ANKRD52: variants seen among roughly 807,000 people sequenced by gnomAD.
The protein encoded by ANKRD52 is ankyrin repeat domain 52, also known as serine/threonine-protein phosphatase 6 regulatory ankyrin repeat subunit C.
Under a neutral mutation model 116.0 loss-of-function variants are expected in ANKRD52, and 7 were observed. The ratio of observed to expected loss-of-function variants is 0.06; its 90% confidence interval spans 0.03 to 0.11. The LOEUF (loss-of-function observed/expected upper bound fraction) is 0.11. ANKRD52 is among the 10% of genes least tolerant of loss of function. ANKRD52 has a pLI of 1.00. For missense variants in ANKRD52, 839 were observed against 1,408.6 expected (o/e 0.60, Z 6.47); for synonymous variants, 528 against 578.1 (o/e 0.91, Z 1.24).
intron 15 of ANKRD52, 84 bp downstream of exon 15, chr12:56,251,931 G>A (rs1592393035): frequency 6.9e-7 from 1 of 1,448,924 alleles, no homozygotes; most frequent in East Asian, 2.3e-5. Flanking sequence ...TAGGGTAGAG[G>A]TTCAGATTAG....
In ANKRD52 at chr12:56,254,099, G is replaced by A; in HGVS notation, c.874C>T (p.Leu292=). The change falls in exon 8 of 28, where the codon CTG becomes TTG. Residue 292 remains leucine (L), a synonymous_variant. Transcript: ENST00000267116. This position sits in a 1 kb window ranked among gnomAD's most constrained non-coding sequence, Gnocchi z 4.6. ...STNGALCLEL[L]VNNGADVNYQ... is the part of the protein sequence containing the mutation. ...TTGACGTCAGCCCCATTATTAACCAGTAGCTCCAAGCAGAGAGCGCCATTG... is the reference window on the plus strand; with the variant it reads ...TTGACGTCAGCCCCATTATTAACCAATAGCTCCAAGCAGAGAGCGCCATTG... The A allele has an allele frequency of 1.2e-6, 2 of 1,613,774 alleles. No homozygotes were observed. Among genetic ancestry groups the A allele is most frequent in the South Asian group, 1.1e-5 (1 of 91,080 alleles).
At chr12:56,257,948 G>T in intron 1 of ANKRD52, 37 bp from the exon 2 acceptor site, 1 of 1,603,774 alleles carries the variant, frequency 6.2e-7, no homozygotes. Flanking sequence ...GCGGGCTGGA[G>T]CCGGAGCGGA....
chr12:56,256,614 G>A (rs904349696), intron 4 of ANKRD52, among the ~76,000 whole-genome samples: 7 of 152,218 alleles, frequency 4.6e-5, no homozygotes, highest in Non-Finnish European at 1.0e-4. Context: ...GATGAAATAT[G>A]TTTGGCCCCT....
In ANKRD52 at chr12:56,254,347, T is replaced by G; in HGVS notation, c.694-68A>C. 6.5e-7 allele frequency: 1 copy of G among 1,537,266 alleles called. No individual in the cohort carries two copies. The highest frequency in any genetic ancestry group is 8.9e-7 in the Non-Finnish European group (1 of 1,123,386). On this transcript the variant is annotated intron_variant, in intron 7 of 27. Transcript: ENST00000267116. This position sits in a 1 kb window ranked among gnomAD's most constrained non-coding sequence, Gnocchi z 4.6. ...AAAGTAGAAGCCAGCACATGTAGCC[T>G]CCAGATCCCAGAAATCCAACGACTG...
chr12:56,254,311 T>A lies in ANKRD52; in HGVS notation c.694-32A>T. ...ATTCAGGGGTGAGAGTAAGGTGGTA[T>A]CAGTTTAAACAAAGTAGAAGCCAGC... is the stretch of plus-strand genomic sequence containing the variant. On this transcript the variant is annotated intron_variant, in intron 7 of 27. Transcript: ENST00000267116. The surrounding 1 kb of genome is among the most constrained non-coding windows in gnomAD (Gnocchi z 4.6). 3.1e-6 allele frequency: 5 copies of A among 1,603,350 alleles called. No individual in the cohort carries two copies. The highest frequency in any genetic ancestry group is 1.7e-4 in the Middle Eastern group (1 of 6,044).
In ANKRD52 at chr12:56,255,092, G is replaced by A; in HGVS notation, c.463-140C>T. The A allele has an allele frequency of 8.5e-6, 6 of 703,318 alleles. No individual in the cohort carries two copies. In the South Asian group the frequency reaches 1.1e-4, roughly 13 times the overall value. 43.6% of individuals were successfully genotyped at this position (703,318 alleles called of 1,614,324 possible). ...GAGCAAAACAACCTGGAGGACTCGA[G>A]GGAACAGCAGAAGCAGGCACTAAGG... On this transcript the variant is annotated intron_variant, in intron 5 of 27. Coordinates refer to ENST00000267116, the MANE Select transcript of ANKRD52 (RefSeq NM_173595.4). The surrounding 1 kb of genome is among the most constrained non-coding windows in gnomAD (Gnocchi z 4.3).
intron 15 of ANKRD52, 63 bp downstream of exon 15, chr12:56,251,952 A>C: frequency 6.5e-7 from 1 of 1,547,536 alleles, no homozygotes; most frequent in East Asian, 2.3e-5. Context: ...GTAGGAGGAC[A>C]GTAGGGCCAG....
In ANKRD52 at chr12:56,245,127, G is replaced by A; in HGVS notation, c.2468C>T (p.Pro823Leu). ...CACTGCACAGTGCAAAGGAGTGAAG[G>A]GGTTTCCTTCCAGGTACGAAAACGG... ...HSPFSYLEGN[P>L]FTPLHCAVIN... The change falls in exon 22 of 28, where the codon CCC (proline) becomes CTC (leucine). Residue 823 changes from proline (P) to leucine (L), a missense_variant. This residue lies in a region of ANKRD52 where 552 missense variants were observed against 810.6 expected (regional missense o/e 0.68). Coordinates refer to ENST00000267116, the MANE Select transcript of ANKRD52 (RefSeq NM_173595.4). 6.2e-7 allele frequency: 1 copy of A among 1,613,988 alleles called. No homozygotes were observed. Among genetic ancestry groups the A allele is most frequent in the Non-Finnish European group, 8.5e-7 (1 of 1,179,890 alleles).
rs1348614882 is a variant in ANKRD52, at chr12:56,238,044, T to C, written c.*5098A>G. 1 of 290,098 alleles carries C rather than the reference T, an allele frequency of 3.4e-6. No homozygotes were observed. Among genetic ancestry groups the C allele is most frequent in the East Asian group, 6.2e-5 (1 of 16,260 alleles). 18.0% of individuals were successfully genotyped at this position (290,098 alleles called of 1,614,324 possible). On this transcript the variant is annotated 3_prime_UTR_variant, in exon 28 of 28. Coordinates refer to ENST00000267116, the MANE Select transcript of ANKRD52 (RefSeq NM_173595.4). ...ATGCACCGAGGTCCCCACTTTTTCCTGCTGCCCTCGGCACCCTGGGGATGC... is the reference window on the plus strand; with the variant it reads ...ATGCACCGAGGTCCCCACTTTTTCCCGCTGCCCTCGGCACCCTGGGGATGC...
At position 56,238,001 on chromosome 12, in the gene ANKRD52, A is replaced by ATTTTTTAATGATAC; in HGVS notation, c.*5140_*5141insGTATCATTAAAAAA. ...GAGAACATTGTGCTTTAGCCCAGGG[A>ATTTTTTAATGATAC]GGGGAGGGGTGGGGCAAATGCACCG... On this transcript the variant is annotated 3_prime_UTR_variant, in exon 28 of 28. Coordinates refer to ENST00000267116, the MANE Select transcript of ANKRD52 (RefSeq NM_173595.4). 6 of 159,804 alleles carry ATTTTTTAATGATAC rather than the reference A, an allele frequency of 3.8e-5. No homozygotes were observed. The highest frequency in any genetic ancestry group is 5.2e-5 in the Non-Finnish European group (4 of 76,974). 9.9% of individuals were successfully genotyped at this position (159,804 alleles called of 1,614,324 possible).
In ANKRD52 at chr12:56,247,702, A is replaced by C. The variant is rs1281328452; in HGVS notation, c.2051T>G (p.Met684Arg). 6 of 1,611,880 alleles carry C rather than the reference A, an allele frequency of 3.7e-6. No homozygotes were observed. Among genetic ancestry groups the C allele is most frequent in the Non-Finnish European group, 5.1e-6 (6 of 1,179,066 alleles). ...SGERADITDVMDAYGQTPLML... is the reference protein window; with the variant it reads ...SGERADITDVRDAYGQTPLML... The stretch of plus-strand genomic sequence containing the variant: ...CCACACTCACTGTCCATAGGCATCC[A>C]TGACATCTGTGATGTCAGCTCGTTC... Residue 684 changes from methionine to arginine, a missense_variant, in exon 19 of 28, where the codon ATG becomes AGG. Transcript: ENST00000267116.
At chr12:56,250,203 A>G (rs1265273412) in intron 15 of ANKRD52, among the ~76,000 whole-genome samples, 1 of 151,676 alleles carries the variant, frequency 6.6e-6, no homozygotes, top group Non-Finnish European at 1.5e-5. Context: ...TCTCAAATAA[A>G]TAAATAAATT....
rs761571645 is a variant in ANKRD52 at position 56,254,859 on chromosome 12, T to C, written c.550+6A>G. On this transcript the variant is annotated splice_donor_region_variant and intron_variant, in intron 6 of 27. Coordinates refer to ENST00000267116, the MANE Select transcript of ANKRD52 (RefSeq NM_173595.4). The surrounding 1 kb of genome is among the most constrained non-coding windows in gnomAD (Gnocchi z 4.6). ...ATTTCTGATTTTCCCGTGTATTCTCTCTCACCTAGAAAAGCTGCCCAATGC... is the reference window on the plus strand; with the variant it reads ...ATTTCTGATTTTCCCGTGTATTCTCCCTCACCTAGAAAAGCTGCCCAATGC... 6.2e-7 allele frequency: 1 copy of C among 1,612,256 alleles called. No individual in the cohort carries two copies. Among genetic ancestry groups the C allele is most frequent in the East Asian group, 2.2e-5 (1 of 44,800 alleles).
Position 56,254,322 on chromosome 12 carries a change from A to G in ANKRD52, c.694-43T>C, listed in dbSNP as rs773450094. 6.3e-7 allele frequency: 1 copy of G among 1,588,886 alleles called. No individual in the cohort carries two copies. The highest frequency in any genetic ancestry group is 8.6e-7 in the Non-Finnish European group (1 of 1,162,180). ...AGAGTAAGGTGGTATCAGTTTAAAC[A>G]AAGTAGAAGCCAGCACATGTAGCCT... On this transcript the variant is annotated intron_variant, in intron 7 of 27. Transcript: ENST00000267116. This position sits in a 1 kb window ranked among gnomAD's most constrained non-coding sequence, Gnocchi z 4.6.
In ANKRD52 at chr12:56,243,211, A is replaced by G. The variant is rs1421815376; in HGVS notation, c.3162T>C (p.His1054=). 4 of 1,613,110 alleles carry G rather than the reference A, an allele frequency of 2.5e-6. No homozygotes were observed. The South Asian group carries it at 4.4e-5, about 18-fold the overall frequency. ...CCTGGCTGTAGGGGCAGGAGGCCCCATGGGGCAGGGCGCCGCAGCCACCCA... is the reference window on the plus strand; with the variant it reads ...CCTGGCTGTAGGGGCAGGAGGCCCCGTGGGGCAGGGCGCCGCAGCCACCCA... ...KTVGGCGALP[H]GASCPYSQER... is the part of the protein sequence containing the mutation. The change falls in exon 28 of 28, where the codon CAT becomes CAC. Residue 1054 remains histidine (H), a synonymous_variant. Coordinates refer to ENST00000267116, the MANE Select transcript of ANKRD52 (RefSeq NM_173595.4). This position sits in a 1 kb window ranked among gnomAD's most constrained non-coding sequence, Gnocchi z 4.6.
In ANKRD52 at chr12:56,257,357, T is replaced by G. The variant is rs1276500814; in HGVS notation, c.116A>C (p.Gln39Pro). 1.3e-6 allele frequency: 2 copies of G among 1,587,452 alleles called. No homozygotes were observed. Among genetic ancestry groups the G allele is most frequent in the Non-Finnish European group, 1.7e-6 (2 of 1,166,860 alleles). Residue 39 changes from glutamine to proline, a missense_variant, in exon 3 of 28, where the codon CAA (glutamine) becomes CCA (proline). This residue lies in a region of ANKRD52 where 287 missense variants were observed against 598.1 expected (regional missense o/e 0.48). Transcript: ENST00000267116. ...SQKENINVLD[Q>P]ERRTPLHAAA... is the part of the protein sequence containing the mutation. ...AGCATGCAATGGAGTTCGCCTCTCTTGGTCCTGGGAAGGCAAAAAAGAGCA... is the reference window on the plus strand; with the variant it reads ...AGCATGCAATGGAGTTCGCCTCTCTGGGTCCTGGGAAGGCAAAAAAGAGCA...
intron 1 of ANKRD52, 123 bp downstream of exon 1, chr12:56,258,120 G>C (rs539175703): frequency 1.3e-6 from 2 of 1,487,986 alleles, no homozygotes; most frequent in South Asian, 1.2e-5. Flanking sequence ...GCGCGGCATG[G>C]GGCGGGGCGG....
rs754890331 is a variant in ANKRD52 at position 56,247,535 on chromosome 12, A to G, written c.2142T>C (p.Ala714=). The G allele has an allele frequency of 6.3e-7, 1 of 1,595,234 alleles. No individual in the cohort carries two copies. The highest frequency in any genetic ancestry group is 8.5e-7 in the Non-Finnish European group (1 of 1,170,474). Reference sequence around the variant, plus strand: ...TGCGGCCCCGGAGGTCAGCAGCATCAGCTGTGGATCCTTTCTCTAGCAGCA... The same window carrying G: ...TGCGGCCCCGGAGGTCAGCAGCATCGGCTGTGGATCCTTTCTCTAGCAGCA... ...VHLLLEKGST[A]DAADLRGRTA... The change falls in exon 20 of 28, where the codon GCT becomes GCC. Residue 714 remains alanine (A), a synonymous_variant. Transcript: ENST00000267116.
intron 20 of ANKRD52, among the ~76,000 whole-genome samples, chr12:56,246,707 A>G (rs887238694): frequency 6.6e-6 from 1 of 151,822 alleles, no homozygotes; most frequent in African/African-American, 2.4e-5. Context: ...GGATCTCATC[A>G]TCAGGAGATT....
Sources: allele counts gnomAD v4.1 joint callset (sites outside exome capture counted in the v4.1 genomes callset), GRCh38; gene constraint gnomAD v4.1.1; regional missense constraint gnomAD v4.1.1; non-coding constraint Gnocchi (gnomAD v3.1); transcripts MANE v1.5; gene names NCBI Gene and HGNC (gene_info 2026-07-23, HGNC 2026-07-21).